IGF2BP3: variants seen among roughly 807,000 people sequenced by gnomAD.
The protein encoded by IGF2BP3 is insulin-like growth factor 2 mRNA-binding protein 3.
In IGF2BP3, 9 loss-of-function variants were observed where a neutral mutation model predicts 73.8. That is an observed-to-expected ratio of 0.12 (90% CI 0.07 to 0.21). The LOEUF (loss-of-function observed/expected upper bound fraction) is 0.21, where lower values mean the gene tolerates loss of function less well. Among genes scored for constraint, IGF2BP3 ranks in the 10% least tolerant of loss-of-function variants. IGF2BP3 has a pLI of 1.00. For missense variants in IGF2BP3, 542 were observed against 714.0 expected (o/e 0.76, Z 2.75); for synonymous variants, 258 against 256.7 (o/e 1.01, Z -0.05).
intron 3 of IGF2BP3, among the ~76,000 whole-genome samples, chr7:23,402,867 T>C (rs1786710455): frequency 6.6e-6 from 1 of 152,204 alleles, no homozygotes; most frequent in Non-Finnish European, 1.5e-5. Flanking sequence ...AGAACAGTAA[T>C]TCTCAATGGA....
chr7:23,384,638 C>T (rs887617496), intron 3 of IGF2BP3, among the ~76,000 whole-genome samples: 3 of 152,038 alleles, frequency 2.0e-5, no homozygotes, highest in African/African-American at 7.2e-5. Context: ...TACTGTAATC[C>T]CAGCACTTTG....
intron 2 of IGF2BP3, among the ~76,000 whole-genome samples, chr7:23,460,557 C>T (rs1460788139): frequency 6.6e-6 from 1 of 151,298 alleles, no homozygotes; most frequent in East Asian, 2.0e-4. Context: ...GTAGATCAAT[C>T]GTCATTTGTC....
At chr7:23,392,192 A>G (rs1308113688) in intron 3 of IGF2BP3, among the ~76,000 whole-genome samples, 2 of 152,178 alleles carry the variant, frequency 1.3e-5, no homozygotes, top group African/African-American at 4.8e-5. Flanking sequence ...TGTCCACAGT[A>G]TGGCAGATGT....
intron 2 of IGF2BP3, among the ~76,000 whole-genome samples, chr7:23,449,253 C>A (rs564010356): frequency 3.9e-5 from 6 of 152,156 alleles, no homozygotes; most frequent in African/African-American, 1.4e-4. Flanking sequence ...CGTGGTGGCT[C>A]ATGCCTGAAA....
chr7:23,431,950 A>G (rs1026202325), intron 2 of IGF2BP3, among the ~76,000 whole-genome samples: 1 of 152,216 alleles, frequency 6.6e-6, no homozygotes, highest in Non-Finnish European at 1.5e-5. Context: ...ACTGGTTAAC[A>G]GATTGCTTAG....
At chr7:23,358,314 T>C (rs1012783391) in intron 5 of IGF2BP3, among the ~76,000 whole-genome samples, 4 of 152,148 alleles carry the variant, frequency 2.6e-5, no homozygotes, top group African/African-American at 9.7e-5. Context: ...AAACAACAGA[T>C]GTTACAAAGA....
Position 23,380,122 on chromosome 7 carries a change from T to C in IGF2BP3, c.286-18381A>G, listed in dbSNP as rs112257618. Reference sequence around the variant, plus strand: ...AGAATACCCACTGCACTGTGAATTTTGAGGTAAAAACCGTGGAGACTGCCC... The same window carrying C: ...AGAATACCCACTGCACTGTGAATTTCGAGGTAAAAACCGTGGAGACTGCCC... On this transcript the variant is annotated intron_variant, in intron 3 of 14. Transcript: ENST00000258729. 1.9e-3 allele frequency among the ~76,000 whole-genome samples: 283 copies of C among 151,912 alleles called. 4 individuals are homozygous for C. The highest frequency in any genetic ancestry group is 6.6e-3 in the African/African-American group (272 of 41,428).
chr7:23,453,853 G>A (rs1370700830), intron 2 of IGF2BP3, among the ~76,000 whole-genome samples: 1 of 151,894 alleles, frequency 6.6e-6, no homozygotes, highest in Non-Finnish European at 1.5e-5. Context: ...TGTTTGTTTT[G>A]CTGTTGTTGT....
intron 3 of IGF2BP3, among the ~76,000 whole-genome samples, chr7:23,407,830 C>T (rs1236410679): frequency 6.6e-6 from 1 of 151,460 alleles, no homozygotes. Context: ...TGAGCAGAGA[C>T]ACAGTAAGTC....
In IGF2BP3 at chr7:23,351,292, T is replaced by TCA. The variant is rs568922890; in HGVS notation, c.683+11_683+12dup. 188 of 1,612,746 alleles carry TCA rather than the reference T, an allele frequency of 1.2e-4. No homozygotes were observed. Among genetic ancestry groups the TCA allele is most frequent in the African/African-American group, 8.4e-4 (63 of 74,942 alleles). On this transcript the variant is annotated intron_variant, in intron 6 of 14. Coordinates refer to ENST00000258729, the MANE Select transcript of IGF2BP3 (RefSeq NM_006547.3). ...ATTCTCATGAACACCCACCACACAC[T>TCA]CAGCATACTCACTTAGACTGGGTCT... is the stretch of plus-strand genomic sequence containing the variant.
intron 11 of IGF2BP3, 103 bp downstream of exon 11, chr7:23,319,035 A>G: frequency 1.3e-6 from 1 of 784,696 alleles, no homozygotes; most frequent in Non-Finnish European, 2.1e-6. Context: ...ATGTAACCCT[A>G]ACAGTGTCTT....
chr7:23,418,652 C>A, intron 3 of IGF2BP3, 124 bp downstream of exon 3: 1 of 627,428 alleles, frequency 1.6e-6, no homozygotes. Context: ...AGGCACGGGT[C>A]ATAGGAGAAG....
Position 23,312,382 on chromosome 7 carries a change from G to A in IGF2BP3, c.1720C>T (p.Pro574Ser). The change falls in exon 15 of 15, where the codon CCT becomes TCT. Residue 574 changes from proline to serine, a missense_variant. By Grantham distance (74) the Pro-to-Ser change is moderately conservative (BLOSUM62 -1). Coordinates refer to ENST00000258729, the MANE Select transcript of IGF2BP3 (RefSeq NM_006547.3). ...QQQKALQSGPPQSRRK is the reference protein window; with the variant it reads ...QQQKALQSGPSQSRRK ...AGCCTTTACTTCCGTCTTGACTGAG[G>A]TGGTCCACTTTGCAGAGCCTTCTGT... is the stretch of plus-strand genomic sequence containing the variant. 1 of 1,612,730 alleles carries A rather than the reference G, an allele frequency of 6.2e-7. No homozygotes were observed. The highest frequency in any genetic ancestry group is 8.5e-7 in the Non-Finnish European group (1 of 1,179,670).
intron 2 of IGF2BP3, among the ~76,000 whole-genome samples, chr7:23,421,918 G>T (rs1787359738): frequency 6.6e-6 from 1 of 151,882 alleles, no homozygotes; most frequent in Admixed American, 6.6e-5. Context: ...CGGAGTAGCT[G>T]GGACTACAGA....
Position 23,361,609 on chromosome 7 carries a change from G to C in IGF2BP3, c.338-12C>G. On this transcript the variant is annotated splice_polypyrimidine_tract_variant and intron_variant, in intron 4 of 14. Transcript: ENST00000258729. ...CGAGTCAGTGTTCACTAGAGGAAGA[G>C]AAAAACGAAGAGAATAAAAGTTAGT... is the stretch of plus-strand genomic sequence containing the variant. 2 of 1,613,506 alleles carry C rather than the reference G, an allele frequency of 1.2e-6. No homozygotes were observed. Among genetic ancestry groups the C allele is most frequent in the Non-Finnish European group, 1.7e-6 (2 of 1,179,656 alleles).
At chr7:23,386,108 AT>A (rs1225508517) in intron 3 of IGF2BP3, among the ~76,000 whole-genome samples, 7 of 152,212 alleles carry the variant, frequency 4.6e-5, no homozygotes, top group Admixed American at 3.9e-4. Flanking sequence ...TAAGCTGATA[AT>A]TGAAGTTAGG....
intron 10 of IGF2BP3, among the ~76,000 whole-genome samples, chr7:23,322,287 G>A (rs1345946695): frequency 7.2e-5 from 11 of 152,198 alleles, no homozygotes; most frequent in Non-Finnish European, 1.3e-4. Flanking sequence ...GAAGCCTCAG[G>A]AGCCGATGTG....
At chr7:23,330,298 T>A (rs899436249) in intron 10 of IGF2BP3, among the ~76,000 whole-genome samples, 4 of 149,162 alleles carry the variant, frequency 2.7e-5, no homozygotes, top group Non-Finnish European at 4.4e-5. Context: ...AAAAATAAAA[T>A]AAAATAATGT....
At chr7:23,351,794 C>G (rs1447580676) in intron 5 of IGF2BP3, among the ~76,000 whole-genome samples, 1 of 152,154 alleles carries the variant, frequency 6.6e-6, no homozygotes, top group Admixed American at 6.5e-5. Flanking sequence ...TCCTTTGAGA[C>G]AGGCACAGTG....
Sources: gnomAD v4.1 joint callset for allele counts (sites outside exome capture counted in the v4.1 genomes callset) on GRCh38, gnomAD v4.1.1 for gene constraint, MANE v1.5 for transcripts, NCBI Gene and HGNC (gene_info 2026-07-23, HGNC 2026-07-21) for gene names.